Variants in DCAF1 observed in about 807,000 individuals in gnomAD.
DCAF1 encodes the protein DDB1 and CUL4 associated factor 1.
A neutral mutation model predicts 128.0 loss-of-function variants in DCAF1; 15 were observed. The observed-to-expected ratio is 0.12, with a 90% CI of 0.08 to 0.18. The LOEUF (loss-of-function observed/expected upper bound fraction) is 0.18, where lower values mean the gene tolerates loss of function less well. DCAF1 is among the 10% of genes least tolerant of loss of function. The pLI is 1.00. For missense variants in DCAF1, 988 were observed against 1,649.5 expected (o/e 0.60, Z 6.95); for synonymous variants, 610 against 603.0 (o/e 1.01, Z -0.17).
At chr3:51,463,653 C>T (rs1339296890) in intron 5 of DCAF1, among the ~76,000 whole-genome samples, 2 of 151,962 alleles carry the variant, frequency 1.3e-5, no homozygotes, top group Non-Finnish European at 2.9e-5. Flanking sequence ...CATGGTGGCA[C>T]ATGCCTGTAG....
chr3:51,501,269 TG>T (rs1171937261), upstream of DCAF1, among the ~76,000 whole-genome samples: 2 of 152,150 alleles, frequency 1.3e-5, no homozygotes, highest in Non-Finnish European at 2.9e-5. Flanking sequence ...TTCATGTTGT[TG>T]GGAAAAATGA....
the DCAF1 span, among the ~76,000 whole-genome samples, chr3:51,505,441 C>T: frequency 2.0e-5 from 3 of 152,186 alleles, no homozygotes; most frequent in African/African-American, 4.8e-5. Flanking sequence ...TTGCCAGATA[C>T]AGCCTGGGGT....
At chr3:51,411,368 A>G (rs562669652) in intron 23 of DCAF1, among the ~76,000 whole-genome samples, 2 of 152,282 alleles carry the variant, frequency 1.3e-5, no homozygotes, top group South Asian at 4.2e-4. Flanking sequence ...TAGACAAAAG[A>G]ATCTGCCCTG....
intron 3 of DCAF1, among the ~76,000 whole-genome samples, chr3:51,474,210 G>A (rs776422780): frequency 6.6e-6 from 1 of 152,044 alleles, no homozygotes. Context: ...CCTGAGGTTG[G>A]GAGTTCGAAA....
intron 6 of DCAF1, among the ~76,000 whole-genome samples, chr3:51,454,793 C>T (rs1702720694): frequency 6.6e-6 from 1 of 152,110 alleles, no homozygotes; most frequent in Non-Finnish European, 1.5e-5. Context: ...CCTGCCTCAG[C>T]CTCCCGAGTA....
Position 51,398,651 on chromosome 3 carries a change from G to C in DCAF1, c.*118C>G, listed in dbSNP as rs1577031229. 7.4e-7 allele frequency: 1 copy of C among 1,344,928 alleles called. No homozygotes were observed. The highest frequency in any genetic ancestry group is 1.3e-5 in the South Asian group (1 of 75,022). The allele number at this position is 1,344,928 out of a possible 1,614,324, so 83.3% of individuals were successfully genotyped here. ...TCTAAGCCATAATCTTCTGAATGCA[G>C]GGCATGCAGCTCCTTAAAAGACAGA... is the stretch of plus-strand genomic sequence containing the variant. On this transcript the variant is annotated 3_prime_UTR_variant, in exon 25 of 25. Coordinates refer to ENST00000684031, the MANE Select transcript of DCAF1 (RefSeq NM_001387579.1).
At chr3:51,497,866 C>A (rs983098414) in intron 1 of DCAF1, among the ~76,000 whole-genome samples, 1 of 151,682 alleles carries the variant, frequency 6.6e-6, no homozygotes, top group Non-Finnish European at 1.5e-5. Context: ...ATGGCTAACA[C>A]GGTGAAACCC....
At chr3:51,473,948 C>A (rs1705105034) in intron 3 of DCAF1, among the ~76,000 whole-genome samples, 1 of 151,850 alleles carries the variant, frequency 6.6e-6, no homozygotes, top group Non-Finnish European at 1.5e-5. Flanking sequence ...GGATTACAGG[C>A]ATGTGCCACC....
At chr3:51,434,957 A>G (rs1047799310) in intron 9 of DCAF1, among the ~76,000 whole-genome samples, 10 of 152,166 alleles carry the variant, frequency 6.6e-5, no homozygotes, top group Admixed American at 1.3e-4. Context: ...TCTTCCAGGT[A>G]CCAACAACAT....
intron 23 of DCAF1, among the ~76,000 whole-genome samples, chr3:51,410,691 A>G (rs1698322478): frequency 6.6e-6 from 1 of 152,262 alleles, no homozygotes; most frequent in Non-Finnish European, 1.5e-5. Flanking sequence ...CTGTTTTGAA[A>G]GGACGCTAAG....
intron 15 of DCAF1, among the ~76,000 whole-genome samples, chr3:51,419,333 C>A (rs1699182437): frequency 6.6e-6 from 1 of 151,778 alleles, no homozygotes; most frequent in Non-Finnish European, 1.5e-5. Context: ...TGTACTCCAG[C>A]CTGGGCGATA....
chr3:51,502,578 T>G (rs782519140), upstream of DCAF1, among the ~76,000 whole-genome samples: 6 of 151,968 alleles, frequency 3.9e-5, no homozygotes, highest in Non-Finnish European at 7.4e-5. Context: ...TTTTTTTAAT[T>G]TTTTTAAAAA....
At chr3:51,454,687 T>G (rs573100938) in intron 6 of DCAF1, among the ~76,000 whole-genome samples, 1 of 151,794 alleles carries the variant, frequency 6.6e-6, no homozygotes, top group Non-Finnish European at 1.5e-5. Context: ...TGTTTTGTTT[T>G]TTTTGAGACG....
rs781889647 is a variant in DCAF1, at chr3:51,419,806, T to A, written c.3164A>T (p.Asn1055Ile). 6.2e-7 allele frequency: 1 copy of A among 1,614,018 alleles called. No individual in the cohort carries two copies. The highest frequency in any genetic ancestry group is 8.5e-7 in the Non-Finnish European group (1 of 1,179,890). The change falls in exon 15 of 25, where the codon AAC becomes ATC. Residue 1055 changes from asparagine to isoleucine, a missense_variant. Coordinates refer to ENST00000684031, the MANE Select transcript of DCAF1 (RefSeq NM_001387579.1). ...QAPINFTSRL[N>I]RRASFPKYGG... ...ATACTTTGGAAATGATGCCCTGCGG[T>A]TTAGCCTTGACGTAAAGTTTATTGG...
intron 18 of DCAF1, among the ~76,000 whole-genome samples, chr3:51,415,100 T>C (rs1391252821): frequency 6.6e-6 from 1 of 152,036 alleles, no homozygotes; most frequent in Non-Finnish European, 1.5e-5. Flanking sequence ...TTGATTTCCT[T>C]CCCAAGTTCC....
chr3:51,442,130 A>C (rs1701416125), intron 7 of DCAF1, among the ~76,000 whole-genome samples: 1 of 152,220 alleles, frequency 6.6e-6, no homozygotes, highest in South Asian at 2.1e-4. Context: ...GAAGATTTGC[A>C]CATAAAATAC....
Position 51,498,532 on chromosome 3 carries a change from C to T in DCAF1, c.-56+1341G>A, listed in dbSNP as rs1708495921. ...CAGGGAGGATCACTTGAGTTCAAAACCAGCCTGGGCAACATACTGAGACCA... is the reference window on the plus strand; with the variant it reads ...CAGGGAGGATCACTTGAGTTCAAAATCAGCCTGGGCAACATACTGAGACCA... On this transcript the variant is annotated intron_variant, in intron 1 of 24. Coordinates refer to ENST00000684031, the MANE Select transcript of DCAF1 (RefSeq NM_001387579.1). Among the ~76,000 whole-genome samples the T allele has an allele frequency of 2.0e-5, 3 of 151,952 alleles. No individual in the cohort carries two copies. In the South Asian group the frequency reaches 6.2e-4, roughly 32 times the overall value.
intron 1 of DCAF1, among the ~76,000 whole-genome samples, chr3:51,498,376 G>GAAAAAAAAA (rs1175129153): frequency 2.6e-5 from 2 of 77,846 alleles, no homozygotes; most frequent in Admixed American, 1.1e-4. Context: ...AAAGAAAAAA[G>GAAAAAAAAA]AAAAAAAAAA....
At chr3:51,438,900 C>G (rs184617186) in intron 9 of DCAF1, among the ~76,000 whole-genome samples, 1 of 152,150 alleles carries the variant, frequency 6.6e-6, no homozygotes, top group African/African-American at 2.4e-5. Context: ...CATGAGCCAC[C>G]GCGCTGCGCC....
Sources: gnomAD v4.1 joint callset for allele counts (sites outside exome capture counted in the v4.1 genomes callset) on GRCh38, gnomAD v4.1.1 for gene constraint, MANE v1.5 for transcripts, NCBI Gene and HGNC (gene_info 2026-07-23, HGNC 2026-07-21) for gene names.